Variants in KIF6 observed in about 807,000 individuals in gnomAD.
The protein encoded by KIF6 is kinesin family member 6, also known as kinesin-like protein KIF6.
In KIF6, 106 loss-of-function variants were observed where a neutral mutation model predicts 112.7. That is an observed-to-expected ratio of 0.94 (90% CI 0.80 to 1.11). The LOEUF is 1.11. Among genes scored for constraint, KIF6 ranks in the 50% least tolerant of loss-of-function variants. The pLI, the probability that KIF6 is intolerant of heterozygous loss-of-function variation, is 0.00. For synonymous variants in KIF6, 339 were observed against 339.9 expected (o/e 1.00, Z 0.03); for missense variants, 929 against 964.0 (o/e 0.96, Z 0.48).
chr6:39,336,142 C>T lies in KIF6; in HGVS notation c.*390G>A, dbSNP rs1389628825. ...AATCGTTAAAAATAAAAATATTCCC[C>T]CCACATTCCACTGGTGTGAGCATCC... On this transcript the variant is annotated 3_prime_UTR_variant, in exon 23 of 23. Transcript: ENST00000287152. The T allele has an allele frequency of 5.9e-6, 1 of 169,730 alleles. No individual in the cohort carries two copies. The highest frequency in any genetic ancestry group is 1.3e-5 in the Non-Finnish European group (1 of 79,940). The allele number at this position is 169,730 out of a possible 1,614,324, so 10.5% of individuals were successfully genotyped here. A position where few individuals can be genotyped will look rare whatever the true frequency, so the allele number is the denominator to read the frequency against.
chr6:39,623,858 T>C (rs1402595975), intron 5 of KIF6, among the ~76,000 whole-genome samples: 2 of 152,160 alleles, frequency 1.3e-5, no homozygotes, highest in African/African-American at 2.4e-5. Context: ...TCTGACGTAA[T>C]CTCTTCACTT....
At chr6:39,626,677 G>T (rs779837485) in intron 5 of KIF6, among the ~76,000 whole-genome samples, 1 of 152,144 alleles carries the variant, frequency 6.6e-6, no homozygotes, top group Non-Finnish European at 1.5e-5. Context: ...TCTTTGGAGA[G>T]ATTTTCCTGG....
rs1783901448 is a variant in KIF6, at chr6:39,622,813, G to A, written c.510-9495C>T. ...CAGAAATGTGCACGAGATGCTGGAGGTGAGGCAGCCATTTTGCATGATGAC... is the reference window on the plus strand; with the variant it reads ...CAGAAATGTGCACGAGATGCTGGAGATGAGGCAGCCATTTTGCATGATGAC... On this transcript the variant is annotated intron_variant, in intron 5 of 22. Coordinates refer to ENST00000287152, the MANE Select transcript of KIF6 (RefSeq NM_145027.6). Among the ~76,000 whole-genome samples, 5 of 152,200 alleles carry A rather than the reference G, an allele frequency of 3.3e-5. No individual in the cohort carries two copies. In the South Asian group the frequency reaches 1.0e-3, roughly 32 times the overall value.
chr6:39,405,251 A>G (rs1371454560), intron 15 of KIF6, among the ~76,000 whole-genome samples: 1 of 152,156 alleles, frequency 6.6e-6, no homozygotes. Context: ...TCAGTACTGT[A>G]TTAAACAGGA....
intron 13 of KIF6, among the ~76,000 whole-genome samples, chr6:39,527,211 C>T (rs1582053873): frequency 1.3e-5 from 2 of 152,296 alleles, no homozygotes; most frequent in East Asian, 3.9e-4. Context: ...CTTCTTGTGT[C>T]TATAGCTGCA....
chr6:39,650,100 G>T (rs1785395635), intron 3 of KIF6, among the ~76,000 whole-genome samples: 1 of 152,162 alleles, frequency 6.6e-6, no homozygotes, highest in Non-Finnish European at 1.5e-5. Flanking sequence ...TCAGGGCTTT[G>T]TTCACAGTCT....
chr6:39,354,569 T>C (rs973805253), intron 19 of KIF6, among the ~76,000 whole-genome samples: 1 of 152,208 alleles, frequency 6.6e-6, no homozygotes, highest in Non-Finnish European at 1.5e-5. Context: ...ATGACCTTGG[T>C]ACAAGTCATT....
At chr6:39,351,576 G>C (rs1487136063) in intron 19 of KIF6, among the ~76,000 whole-genome samples, 1 of 151,500 alleles carries the variant, frequency 6.6e-6, no homozygotes, top group Non-Finnish European at 1.5e-5. Flanking sequence ...TTTCTACCTT[G>C]CATCTGTCGG....
rs566184484 is a variant in KIF6, at chr6:39,384,588, C to G, written c.1861+1034G>C. Among the ~76,000 whole-genome samples the G allele has an allele frequency of 7.9e-5, 12 of 152,278 alleles. No individual in the cohort carries two copies. The South Asian group carries it at 2.3e-3, about 29-fold the overall frequency. ...CAGCTATTCTATATCATCATTATTA[C>G]TACTGAAACGAAACAACCAACTTTC... On this transcript the variant is annotated intron_variant, in intron 16 of 22. Transcript: ENST00000287152.
chr6:39,495,584 G>A (rs144741687), intron 13 of KIF6, among the ~76,000 whole-genome samples: 20 of 152,224 alleles, frequency 1.3e-4, no homozygotes, highest in African/African-American at 2.6e-4. Flanking sequence ...AAGGTTTTAC[G>A]CAAATAAAAG....
At chr6:39,568,005 A>T (rs1371190310) in intron 10 of KIF6, among the ~76,000 whole-genome samples, 2 of 152,210 alleles carry the variant, frequency 1.3e-5, no homozygotes. Context: ...AAGAAGCCAG[A>T]GGGGGCCTGA....
chr6:39,679,395 C>A (rs987638050), intron 3 of KIF6, among the ~76,000 whole-genome samples: 4 of 152,060 alleles, frequency 2.6e-5, no homozygotes, highest in Non-Finnish European at 4.4e-5. Flanking sequence ...AGAAATGGAA[C>A]GGTGGGGGAC....
intron 7 of KIF6, among the ~76,000 whole-genome samples, chr6:39,587,727 C>T (rs1455326371): frequency 2.6e-5 from 4 of 152,280 alleles, no homozygotes; most frequent in Middle Eastern, 3.4e-3. Context: ...CTGCCCTTCA[C>T]CTTCTTATTG....
At chr6:39,700,706 C>T (rs1350612038) in intron 3 of KIF6, among the ~76,000 whole-genome samples, 1 of 119,400 alleles carries the variant, frequency 8.4e-6, no homozygotes, top group Non-Finnish European at 1.7e-5. Context: ...AAAATGGTAT[C>T]CATAATTTTA....
chr6:39,658,480 A>T (rs1015788204), intron 3 of KIF6, among the ~76,000 whole-genome samples: 2 of 152,180 alleles, frequency 1.3e-5, no homozygotes, highest in Admixed American at 6.5e-5. Flanking sequence ...TTAAAAGACC[A>T]AAAAAATTAT....
intron 6 of KIF6, among the ~76,000 whole-genome samples, chr6:39,610,400 C>T (rs1179826016): frequency 1.3e-5 from 2 of 152,174 alleles, no homozygotes; most frequent in Admixed American, 1.3e-4. Flanking sequence ...AAGAGCACTC[C>T]ACTTTGTGTC....
At chr6:39,451,627 T>G (rs1772707848) in intron 13 of KIF6, among the ~76,000 whole-genome samples, 1 of 152,104 alleles carries the variant, frequency 6.6e-6, no homozygotes. Context: ...TGTATATGTG[T>G]GTGGTAAGGC....
At chr6:39,349,041 G>A (rs1343350484) in intron 19 of KIF6, among the ~76,000 whole-genome samples, 1 of 152,232 alleles carries the variant, frequency 6.6e-6, no homozygotes, top group East Asian at 1.9e-4. Context: ...TGCTGTCGGA[G>A]GGGCCATGAC....
intron 3 of KIF6, among the ~76,000 whole-genome samples, chr6:39,688,110 A>G (rs559611457): frequency 6.6e-6 from 1 of 152,344 alleles, no homozygotes; most frequent in East Asian, 1.9e-4. Flanking sequence ...ACTCATCTTC[A>G]GTCTGGAGAA....
Sources: allele counts gnomAD v4.1 joint callset (sites outside exome capture counted in the v4.1 genomes callset), GRCh38; gene constraint gnomAD v4.1.1; transcripts MANE v1.5; gene names NCBI Gene and HGNC (gene_info 2026-07-23, HGNC 2026-07-21).